TBL1Y: variants seen among roughly 807,000 people sequenced by gnomAD.
TBL1Y encodes F-box-like/WD repeat-containing protein TBL1Y.
Under a neutral mutation model 12.0 loss-of-function variants are expected in TBL1Y, and 15 were observed. The observed-to-expected ratio is 1.25, with a 90% CI of 0.83 to 1.92. TBL1Y has a LOEUF of 1.92. TBL1Y is among the 40% of genes most tolerant of loss of function. TBL1Y has a pLI of 0.00. For missense variants in TBL1Y, 148 were observed against 116.7 expected, an observed-to-expected ratio of 1.27 and a Z score of -1.24; for synonymous variants, 53 against 42.6, an observed-to-expected ratio of 1.24 and a Z score of -0.95.
At chrY:7,060,795 C>G in intron 7 of TBL1Y, among the ~76,000 whole-genome samples, 1 of 32,772 alleles carries the variant, frequency 3.1e-5, no homozygotes, top group African/African-American at 1.2e-4. Context: ...TTTGAGCAGA[C>G]CAATTATTAG....
intron 7 of TBL1Y, among the ~76,000 whole-genome samples, chrY:7,053,972 G>A: frequency 2.9e-5 from 1 of 34,588 alleles, no homozygotes; most frequent in African/African-American, 1.1e-4. Context: ...TTGCTTCCAT[G>A]TTTAGGCACT....
At chrY:7,056,701 C>G in intron 7 of TBL1Y, among the ~76,000 whole-genome samples, 1 of 33,429 alleles carries the variant, frequency 3.0e-5, no homozygotes, top group African/African-American at 1.2e-4. Flanking sequence ...TAGTTCTTAA[C>G]AGTTTGCCAT....
At chrY:6,928,741 A>G (rs1176362415) in intron 2 of TBL1Y, among the ~76,000 whole-genome samples, 3 of 33,128 alleles carry the variant, frequency 9.1e-5, no homozygotes. Context: ...TCCACAACTC[A>G]TCTCTCCTCA....
chrY:6,928,659 T>C, intron 2 of TBL1Y, among the ~76,000 whole-genome samples: 1 of 33,816 alleles, frequency 3.0e-5, no homozygotes, highest in Non-Finnish European at 7.4e-5. Flanking sequence ...ACCCAGAAGA[T>C]TGGAGACATG....
At chrY:7,071,286 T>C (rs2013030793) in intron 10 of TBL1Y, among the ~76,000 whole-genome samples, 1 of 33,836 alleles carries the variant, frequency 3.0e-5, no homozygotes, top group East Asian at 7.8e-4. Context: ...CTGCAAAGCG[T>C]CATGATAACT....
At chrY:7,052,160 T>C in intron 7 of TBL1Y, among the ~76,000 whole-genome samples, 2 of 34,046 alleles carry the variant, frequency 5.9e-5, no homozygotes, top group Admixed American at 5.3e-4. Flanking sequence ...CCACCAATGA[T>C]TGTAAAACTA....
chrY:6,955,537 A>T, intron 2 of TBL1Y, among the ~76,000 whole-genome samples: 1 of 33,965 alleles, frequency 2.9e-5, no homozygotes, highest in South Asian at 6.6e-4. Flanking sequence ...TGTTAAACAA[A>T]TAGTTTCCAA....
At chrY:6,945,098 TC>T (rs2011976530) in intron 2 of TBL1Y, among the ~76,000 whole-genome samples, 1 of 29,750 alleles carries the variant, frequency 3.4e-5, no homozygotes, top group Non-Finnish European at 8.0e-5. Context: ...TTGTTTTTTT[TC>T]CTTTCCTTTT....
At chrY:6,969,273 G>GT (rs2012189231) in intron 2 of TBL1Y, among the ~76,000 whole-genome samples, 1 of 33,939 alleles carries the variant, frequency 2.9e-5, no homozygotes, top group African/African-American at 1.2e-4. Context: ...TCAGGAGTGG[G>GT]TAGAGGCAGT....
chrY:6,985,746 T>C, intron 3 of TBL1Y, among the ~76,000 whole-genome samples: 1 of 32,496 alleles, frequency 3.1e-5, no homozygotes, highest in African/African-American at 1.2e-4. Flanking sequence ...GAGTTGTCTT[T>C]TTCTATCCCC....
intron 7 of TBL1Y, among the ~76,000 whole-genome samples, chrY:7,062,895 ATCGTGG>A (rs2012889909): frequency 3.0e-5 from 1 of 33,698 alleles, no homozygotes; most frequent in African/African-American, 1.2e-4. Flanking sequence ...CGGCTTTCTC[ATCGTGG>A]TCCCGACCAC....
intron 2 of TBL1Y, among the ~76,000 whole-genome samples, chrY:6,936,507 C>G: frequency 5.8e-5 from 2 of 34,507 alleles, no homozygotes; most frequent in African/African-American, 1.1e-4. Context: ...GGCTTCTGAT[C>G]AAACAAGGCT....
intron 13 of TBL1Y, among the ~76,000 whole-genome samples, 198 bp from the exon 14 acceptor site, chrY:7,080,534 C>T (rs777804045): frequency 3.0e-5 from 1 of 33,031 alleles, no homozygotes; most frequent in Non-Finnish European, 7.5e-5. Context: ...GTGGGAGGAC[C>T]TCTTGAGCCC....
intron 13 of TBL1Y, among the ~76,000 whole-genome samples, chrY:7,078,277 G>A (rs2013073075): frequency 2.9e-5 from 1 of 34,400 alleles, no homozygotes; most frequent in South Asian, 6.5e-4. Context: ...ATTTTCCCTA[G>A]AAGCAATTCT....
At chrY:7,064,315 G>C in intron 8 of TBL1Y, among the ~76,000 whole-genome samples, 166 bp downstream of exon 8, 1 of 33,308 alleles carries the variant, frequency 3.0e-5, no homozygotes, top group Non-Finnish European at 7.4e-5. Flanking sequence ...TCCCGTTCCA[G>C]TTTTCCATCA....
chrY:7,069,835 G>A (rs897341745), intron 8 of TBL1Y, among the ~76,000 whole-genome samples: 1 of 32,578 alleles, frequency 3.1e-5, no homozygotes, highest in Non-Finnish European at 7.5e-5. Flanking sequence ...ACTGTGCCTG[G>A]GTAATCTTGC....
At position 7,070,624 on chromosome Y, in the gene TBL1Y, A is replaced by G. The variant is rs36044179; in HGVS notation, c.591-96A>G. On this transcript the variant is annotated intron_variant, in intron 9 of 18. Coordinates refer to ENST00000383032, the MANE Select transcript of TBL1Y (RefSeq NM_033284.2). ...TGGTATGATAAAGACAGAAGAGCAC[A>G]TGCCTACAATGTCACCTGGCCAGAG... The G allele has an allele frequency of 3.0e-5, 10 of 331,104 alleles. No individual in the cohort carries two copies. The Admixed American group carries it at 3.3e-4, about 11-fold the overall frequency. 82.6% of individuals were successfully genotyped at this position (331,104 alleles called of 400,897 possible). A position where few individuals can be genotyped will look rare whatever the true frequency, so the allele number is the denominator to read the frequency against.
intron 4 of TBL1Y, among the ~76,000 whole-genome samples, chrY:7,018,897 C>T: frequency 3.0e-5 from 1 of 33,248 alleles, no homozygotes; most frequent in Non-Finnish European, 7.4e-5. Context: ...AAGAAATGTA[C>T]GTAGCACCAC....
chrY:6,991,388 T>C, intron 3 of TBL1Y, among the ~76,000 whole-genome samples: 3 of 33,002 alleles, frequency 9.1e-5, no homozygotes, highest in Non-Finnish European at 2.2e-4. Flanking sequence ...TGGCCCCTGA[T>C]TGGGTTTCAT....
Sources: allele counts gnomAD v4.1 joint callset (sites outside exome capture counted in the v4.1 genomes callset), GRCh38; gene constraint gnomAD v4.1.1; transcripts MANE v1.5; gene names NCBI Gene and HGNC (gene_info 2026-07-23, HGNC 2026-07-21).